DAB1: variants seen among roughly 807,000 people sequenced by gnomAD.
DAB1 encodes the protein disabled homolog 1.
In DAB1, 15 loss-of-function variants were observed where a neutral mutation model predicts 64.6. The observed-to-expected ratio is 0.23, with a 90% confidence interval of 0.16 to 0.36. The LOEUF is 0.36. DAB1 is among the 10% of genes least tolerant of loss of function. The pLI, the probability that DAB1 is intolerant of heterozygous loss-of-function variation, is 1.00. For missense variants in DAB1, 596 were observed against 706.7 expected (o/e 0.84, Z 1.78); for synonymous variants, 235 against 251.9 (o/e 0.93, Z 0.64).
intron 1 of DAB1, among the ~76,000 whole-genome samples, chr1:57,328,643 G>A (rs1450415782): frequency 6.6e-6 from 1 of 152,150 alleles, no homozygotes. Context: ...ATTTGAAGAA[G>A]GTCACAAAAC....
At chr1:57,891,263 C>T (rs1357347940) in intron 5 of DAB1, among the ~76,000 whole-genome samples, 1 of 152,178 alleles carries the variant, frequency 6.6e-6, no homozygotes, top group Non-Finnish European at 1.5e-5. Flanking sequence ...AAAAAAAGCT[C>T]GTCATCACTG....
intron 7 of DAB1, among the ~76,000 whole-genome samples, chr1:57,515,604 A>T (rs560606089): frequency 1.3e-5 from 2 of 152,346 alleles, no homozygotes; most frequent in African/African-American, 4.8e-5. Context: ...AGGTGAAAAG[A>T]ACTGGATAGT....
intron 7 of DAB1, among the ~76,000 whole-genome samples, chr1:57,491,668 A>G (rs1269822767): frequency 6.6e-6 from 1 of 152,208 alleles, no homozygotes; most frequent in East Asian, 1.9e-4. Context: ...TAGTTCACCA[A>G]GATGAGGAAT....
chr1:57,347,799 C>T (rs1025628779), intron 1 of DAB1, among the ~76,000 whole-genome samples: 18 of 151,750 alleles, frequency 1.2e-4, no homozygotes, highest in Admixed American at 3.9e-4. Flanking sequence ...TTTTTTTAAG[C>T]GGCAGATTTG....
At chr1:58,481,177 A>G (rs760484263) in intron 3 of DAB1, 4 of 809,160 alleles carry the variant, frequency 4.9e-6, no homozygotes, top group Non-Finnish European at 6.3e-6. Flanking sequence ...TTGAGAGCCT[A>G]TAAAGAAATA....
chr1:57,355,319 TCTTCCTTCCTTCCTTCCATCCTCC>T (rs905537846), intron 1 of DAB1, among the ~76,000 whole-genome samples: 1 of 151,700 alleles, frequency 6.6e-6, no homozygotes, highest in Non-Finnish European at 1.5e-5. Flanking sequence ...TACTTATCTA[TCTTCCTTCCTTCCTTCCATCCTCC>T]CTTCCTTCCT....
intron 7 of DAB1, among the ~76,000 whole-genome samples, chr1:57,646,418 G>A (rs960981405): frequency 6.6e-6 from 1 of 152,176 alleles, no homozygotes; most frequent in Non-Finnish European, 1.5e-5. Context: ...TAGCATGAAA[G>A]CCTTTGAAAG....
intron 1 of DAB1, among the ~76,000 whole-genome samples, chr1:57,836,696 G>C (rs2101910238): frequency 6.6e-6 from 1 of 152,058 alleles, no homozygotes; most frequent in South Asian, 2.1e-4. Context: ...CTATTAAATG[G>C]GCAATAAACA....
chr1:57,549,758 A>G lies in DAB1; in HGVS notation n.625+99834T>C, dbSNP rs183696861. On this transcript the variant is annotated intron_variant and non_coding_transcript_variant, in intron 7 of 20. Transcript: ENST00000485760. The stretch of plus-strand genomic sequence containing the variant: ...GAATGAGAGCAAGAACAAGTCTTTA[A>G]AATTTCAATTATCTTTGGATAATTC... Among the ~76,000 whole-genome samples the G allele has an allele frequency of 1.3e-3, 194 of 152,322 alleles. 1 individual carries two copies. Among genetic ancestry groups the G allele is most frequent in the African/African-American group, 4.3e-3 (177 of 41,578 alleles).
intron 5 of DAB1, chr1:58,074,549 CA>C (rs1305936802): frequency 3.0e-5 from 2 of 66,416 alleles, no homozygotes; most frequent in Non-Finnish European, 5.2e-5. Flanking sequence ...TATATACACA[CA>C]TATATATATG....
chr1:58,387,940 G>A (rs1644447343), intron 3 of DAB1, among the ~76,000 whole-genome samples: 1 of 152,036 alleles, frequency 6.6e-6, no homozygotes, highest in South Asian at 2.1e-4. Flanking sequence ...TGTTAGCCAG[G>A]ATGGTCTTTA....
chr1:57,105,084 G>C (rs1425824799), intron 4 of DAB1, among the ~76,000 whole-genome samples: 1 of 152,132 alleles, frequency 6.6e-6, no homozygotes, highest in African/African-American at 2.4e-5. Context: ...GTGAGGGTAG[G>C]AGACGCCAGC....
intron 6 of DAB1, among the ~76,000 whole-genome samples, chr1:57,651,156 C>CAA (rs539158981): frequency 5.8e-5 from 8 of 138,440 alleles, no homozygotes; most frequent in African/African-American, 2.1e-4. Context: ...GTCAGTAAAA[C>CAA]AAAAAAAAAA....
chr1:57,038,431 T>C (rs960825826), intron 9 of DAB1, among the ~76,000 whole-genome samples: 2 of 152,204 alleles, frequency 1.3e-5, no homozygotes, highest in African/African-American at 4.8e-5. Context: ...TGGAATCCCA[T>C]TTAATGCCAA....
At chr1:57,766,188 G>A (rs745568476) in intron 6 of DAB1, among the ~76,000 whole-genome samples, 3 of 150,280 alleles carry the variant, frequency 2.0e-5, no homozygotes, top group Non-Finnish European at 2.9e-5. Context: ...TGCCTAGATT[G>A]TTATAATAGT....
In DAB1 at chr1:58,214,187, T is replaced by C. The variant is rs139424245; in HGVS notation, n.310-63599A>G. ...CCTCAAAATCCTACATGCCATGCCC[T>C]GCCATTAAAGCCTCCAAGTCTTTAT... On this transcript the variant is annotated intron_variant and non_coding_transcript_variant, in intron 4 of 20. Coordinates refer to the DAB1 transcript ENST00000485760. 3.9e-3 allele frequency among the ~76,000 whole-genome samples: 594 copies of C among 152,308 alleles called. 11 individuals carry two copies. The highest frequency in any genetic ancestry group is 0.014 in the African/African-American group (566 of 41,574).
chr1:57,430,129 T>C (rs1685444158), intron 7 of DAB1, among the ~76,000 whole-genome samples: 1 of 152,136 alleles, frequency 6.6e-6, no homozygotes, highest in Non-Finnish European at 1.5e-5. Context: ...ATGGGATCGC[T>C]TTCTATTCAT....
intron 1 of DAB1, chr1:58,539,141 C>T: frequency 1.1e-6 from 1 of 872,916 alleles, no homozygotes; most frequent in Non-Finnish European, 2.0e-6. Flanking sequence ...ACTCCCAGTC[C>T]CTGATACTTA....
chr1:57,539,713 C>T (rs1644778270), intron 7 of DAB1, among the ~76,000 whole-genome samples: 1 of 152,104 alleles, frequency 6.6e-6, no homozygotes. Context: ...GATAGGATTA[C>T]AGAAGACAAT....
Sources: gnomAD v4.1 joint callset for allele counts (sites outside exome capture counted in the v4.1 genomes callset) on GRCh38, gnomAD v4.1.1 for gene constraint, MANE v1.5 for transcripts, NCBI Gene and HGNC (gene_info 2026-07-23, HGNC 2026-07-21) for gene names.